UNC13B: variants seen among roughly 807,000 people sequenced by gnomAD.
The protein encoded by UNC13B is unc-13 homolog B.
UNC13B carries 144 observed loss-of-function variants against 211.0 expected under a neutral mutation model. The ratio of observed to expected loss-of-function variants is 0.68; its 90% CI spans 0.60 to 0.78. UNC13B has a LOEUF of 0.78. UNC13B is among the 30% of genes least tolerant of loss of function. The pLI is 0.00. For synonymous variants in UNC13B, 709 were observed against 725.8 expected (o/e 0.98, Z 0.37); for missense variants, 1,777 against 2,002.0 (o/e 0.89, Z 2.14).
chr9:35,250,567 G>A (rs1826404543), intron 6 of UNC13B, among the ~76,000 whole-genome samples: 1 of 152,142 alleles, frequency 6.6e-6, no homozygotes, highest in Admixed American at 6.5e-5. Flanking sequence ...TTAGTTGATG[G>A]ACAGTTGGGT....
intron 1 of UNC13B, among the ~76,000 whole-genome samples, chr9:35,197,485 G>A (rs1823010057): frequency 6.6e-6 from 1 of 152,200 alleles, no homozygotes; most frequent in Admixed American, 6.5e-5. Flanking sequence ...TGGGATTACA[G>A]GCCAGAGCCA....
chr9:35,268,973 CT>C (rs1157507911), intron 7 of UNC13B, among the ~76,000 whole-genome samples: 1 of 152,172 alleles, frequency 6.6e-6, no homozygotes, highest in East Asian at 1.9e-4. Flanking sequence ...AATGGTTTCT[CT>C]ATACTTGCAC....
intron 22 of UNC13B, 103 bp downstream of exon 22, chr9:35,384,417 G>C: frequency 6.6e-7 from 1 of 1,507,926 alleles, no homozygotes; most frequent in Non-Finnish European, 8.9e-7. Context: ...AGGGAAAACT[G>C]GTCTGTGTCA....
chr9:35,281,425 AG>A (rs1564111022), intron 7 of UNC13B, among the ~76,000 whole-genome samples: 7 of 137,004 alleles, frequency 5.1e-5, no homozygotes, highest in South Asian at 4.3e-4. Flanking sequence ...AAAAAAAAAG[AG>A]AGAGAGAGGA....
At chr9:35,400,864 C>G (rs149420240) in intron 37 of UNC13B, among the ~76,000 whole-genome samples, 1 of 152,260 alleles carries the variant, frequency 6.6e-6, no homozygotes, top group Non-Finnish European at 1.5e-5. Context: ...TTTCCAGACT[C>G]TGCAGCATGG....
chr9:35,207,905 G>A (rs1231788180), intron 1 of UNC13B, among the ~76,000 whole-genome samples: 3 of 152,038 alleles, frequency 2.0e-5, no homozygotes, highest in Non-Finnish European at 4.4e-5. Context: ...TGTGCTTTGG[G>A]CATTATAGCT....
intron 1 of UNC13B, among the ~76,000 whole-genome samples, chr9:35,220,472 T>A (rs1007221636): frequency 1.3e-5 from 2 of 151,946 alleles, no homozygotes; most frequent in Admixed American, 1.3e-4. Flanking sequence ...GTAGTTCTAC[T>A]GTTTCCATGA....
chr9:35,326,236 T>C (rs1831002093), intron 11 of UNC13B, among the ~76,000 whole-genome samples: 1 of 152,170 alleles, frequency 6.6e-6, no homozygotes, highest in Non-Finnish European at 1.5e-5. Flanking sequence ...TTGAGTATCT[T>C]TTCATGTGCT....
chr9:35,345,259 C>T (rs1396294912), intron 11 of UNC13B, among the ~76,000 whole-genome samples: 1 of 152,036 alleles, frequency 6.6e-6, no homozygotes, highest in East Asian at 1.9e-4. Flanking sequence ...GACGACAATA[C>T]TGGGGTTTTG....
chr9:35,399,336 C>G, intron 34 of UNC13B, 52 bp downstream of exon 34: 2 of 1,614,156 alleles, frequency 1.2e-6, no homozygotes, highest in Non-Finnish European at 1.7e-6. Flanking sequence ...CCCTCACTCC[C>G]TGCTTCCTGA....
intron 26 of UNC13B, among the ~76,000 whole-genome samples, chr9:35,394,817 A>G (rs1835769074): frequency 6.6e-6 from 1 of 152,216 alleles, no homozygotes; most frequent in South Asian, 2.1e-4. Flanking sequence ...GGGACTTGTT[A>G]GAATAGTTTA....
intron 1 of UNC13B, among the ~76,000 whole-genome samples, chr9:35,201,572 A>C (rs1408784775): frequency 1.3e-5 from 2 of 152,134 alleles, no homozygotes; most frequent in African/African-American, 4.8e-5. Flanking sequence ...GGGAGAGTGT[A>C]TGTGTCGAGG....
chr9:35,260,210 AAAACAAAC>A (rs61266087), intron 7 of UNC13B, among the ~76,000 whole-genome samples: 13 of 150,484 alleles, frequency 8.6e-5, no homozygotes, highest in East Asian at 4.0e-4. Flanking sequence ...ACCCTGTTTC[AAAACAAAC>A]AAACAAACAA....
At chr9:35,400,538 A>G in intron 37 of UNC13B, 95 bp downstream of exon 37, 2 of 1,421,760 alleles carry the variant, frequency 1.4e-6, no homozygotes, top group Non-Finnish European at 1.9e-6. Flanking sequence ...GAGCAGATCC[A>G]GTTACTTCTT....
At chr9:35,288,303 C>G (rs1828905219) in intron 7 of UNC13B, among the ~76,000 whole-genome samples, 1 of 152,292 alleles carries the variant, frequency 6.6e-6, no homozygotes, top group Admixed American at 6.5e-5. Context: ...TCTGATAGCT[C>G]TGTGTTGCCC....
chr9:35,198,292 T>C (rs1455353393), intron 1 of UNC13B, among the ~76,000 whole-genome samples: 1 of 152,164 alleles, frequency 6.6e-6, no homozygotes, highest in African/African-American at 2.4e-5. Context: ...TCTCTTGAGA[T>C]GTGATTTTTT....
intron 1 of UNC13B, among the ~76,000 whole-genome samples, chr9:35,196,106 T>C (rs914674166): frequency 6.6e-6 from 1 of 150,916 alleles, no homozygotes; most frequent in African/African-American, 2.4e-5. Flanking sequence ...TTTTTGTTTT[T>C]CATGTCTATC....
intron 6 of UNC13B, among the ~76,000 whole-genome samples, chr9:35,250,595 G>T (rs767073084): frequency 6.6e-6 from 1 of 152,112 alleles, no homozygotes; most frequent in African/African-American, 2.4e-5. Context: ...CTGCTTGTTA[G>T]CTGTTATGGA....
intron 7 of UNC13B, among the ~76,000 whole-genome samples, chr9:35,289,533 A>AT (rs1388744805): frequency 1.3e-5 from 2 of 152,002 alleles, no homozygotes; most frequent in East Asian, 3.9e-4. Flanking sequence ...CATTTTACAT[A>AT]TTTTTTCCTG....
Sources: gnomAD v4.1 joint callset for allele counts (sites outside exome capture counted in the v4.1 genomes callset) on GRCh38, gnomAD v4.1.1 for gene constraint, MANE v1.5 for transcripts, NCBI Gene and HGNC (gene_info 2026-07-23, HGNC 2026-07-21) for gene names.